PKHD1: variants seen among roughly 807,000 people sequenced by gnomAD.
PKHD1 encodes fibrocystin.
In PKHD1, 291 loss-of-function variants were observed where a neutral mutation model predicts 412.0. The observed-to-expected ratio is 0.71, with a 90% CI of 0.64 to 0.78. The LOEUF is 0.78. Ranked by LOEUF, PKHD1 falls within the 30% of genes least tolerant of loss-of-function variation. The probability of loss-of-function intolerance (pLI) is 0.00; values close to 1 mark genes in which losing one functional copy is unlikely to be tolerated. For synonymous variants in PKHD1, 1,777 were observed against 1,821.5 expected, an observed-to-expected ratio of 0.98 and a Z score of 0.62; for missense variants, 4,825 against 4,950.7, an observed-to-expected ratio of 0.97 and a Z score of 0.76.
At chr6:51,737,422 T>G (rs943230015) in intron 60 of PKHD1, among the ~76,000 whole-genome samples, 1 of 152,206 alleles carries the variant, frequency 6.6e-6, no homozygotes, top group Non-Finnish European at 1.5e-5. Flanking sequence ...AAAAAGAGGT[T>G]TAATATGTTG....
At chr6:51,980,068 G>A in intron 35 of PKHD1, among the ~76,000 whole-genome samples, 1 of 152,076 alleles carries the variant, frequency 6.6e-6, no homozygotes. Flanking sequence ...CAAGTCACTA[G>A]CACCTCTCCT....
rs2151160229 is a variant in PKHD1 at position 51,775,851 on chromosome 6, A to G, written c.8511T>C (p.Phe2837=). The G allele has an allele frequency of 1.3e-6, 2 of 1,598,630 alleles. No individual in the cohort carries two copies. Among genetic ancestry groups the G allele is most frequent in the South Asian group, 1.1e-5 (1 of 90,784 alleles). The change falls in exon 54 of 67, where the codon TTT becomes TTC. Residue 2837 remains phenylalanine, a synonymous_variant. Transcript: ENST00000371117. The stretch of plus-strand genomic sequence containing the variant: ...TATGAATTCCATTCATACGGTCACA[A>G]AAGACTCCCTCTGAGGCTCTAAGGA... ...LILLRASEGV[F]CDRMNGIHID... is the part of the protein sequence containing the mutation.
chr6:51,973,590 G>A (rs1562024728), intron 35 of PKHD1, among the ~76,000 whole-genome samples: 1 of 152,144 alleles, frequency 6.6e-6, no homozygotes, highest in Non-Finnish European at 1.5e-5. Flanking sequence ...AAGACTTCAA[G>A]TGCAATAGTT....
rs758252697 is a variant in PKHD1, at chr6:51,659,890, G to A, written c.10236C>T (p.Val3412=). The A allele has an allele frequency of 1.1e-5, 18 of 1,612,752 alleles. No homozygotes were observed. The East Asian group carries it at 1.3e-4, about 12-fold the overall frequency. ...TGGCATCAGCGCTATCAAGAATTAG[G>A]ACCACTTGGTCAGTCTGTTTGCAGA... ...GFICKQTDQV[V]LILDSADAIW... The change falls in exon 61 of 67, where the codon GTC becomes GTT. Residue 3412 remains valine (V), a synonymous_variant. Coordinates refer to ENST00000371117, the MANE Select transcript of PKHD1 (RefSeq NM_138694.4).
At chr6:52,003,887 A>G (rs1454321994) in intron 35 of PKHD1, among the ~76,000 whole-genome samples, 1 of 152,180 alleles carries the variant, frequency 6.6e-6, no homozygotes, top group Non-Finnish European at 1.5e-5. Flanking sequence ...AAAAAAACCT[A>G]TTGAGATGTT....
intron 49 of PKHD1, among the ~76,000 whole-genome samples, chr6:51,851,023 G>T (rs762088932): frequency 7.4e-4 from 113 of 152,118 alleles, no homozygotes; most frequent in Non-Finnish European, 1.5e-3. Context: ...TATGACATTT[G>T]TTGTGGGTTG....
chr6:51,951,618 A>G (rs189878960), intron 36 of PKHD1, among the ~76,000 whole-genome samples: 1 of 152,292 alleles, frequency 6.6e-6, no homozygotes, highest in African/African-American at 2.4e-5. Context: ...AGTATTTATT[A>G]ATTTTAAAAA....
chr6:52,003,578 T>C (rs1303298452), intron 35 of PKHD1, among the ~76,000 whole-genome samples: 1 of 152,194 alleles, frequency 6.6e-6, no homozygotes, highest in African/African-American at 2.4e-5. Flanking sequence ...TGGCCTCAAA[T>C]GTCACTAAGG....
At chr6:51,828,179 A>G (rs1360918408) in intron 52 of PKHD1, among the ~76,000 whole-genome samples, 5 of 152,106 alleles carry the variant, frequency 3.3e-5, no homozygotes, top group Admixed American at 6.6e-5. Flanking sequence ...GCAGGTATTG[A>G]TGGTAAGTTT....
At position 51,950,220 on chromosome 6, in the gene PKHD1, A is replaced by AAAAAAATATATATATATAT; in HGVS notation, c.5908+9649_5908+9650insATATATATATATATTTTTT. On this transcript the variant is annotated intron_variant, in intron 36 of 66. Coordinates refer to ENST00000371117, the MANE Select transcript of PKHD1 (RefSeq NM_138694.4). ...AATGGGCAATATAGAGAAAAAAAAAAATATATATATATATATATATGAAAT... is the reference window on the plus strand; with the variant it reads ...AATGGGCAATATAGAGAAAAAAAAAAAAAAAATATATATATATATATATATATATATATATATATGAAAT... 3.0e-3 allele frequency among the ~76,000 whole-genome samples: 296 copies of AAAAAAATATATATATATAT among 98,240 alleles called. 3 individuals carry two copies. The highest frequency in any genetic ancestry group is 0.021 in the East Asian group (39 of 1,840). 64.4% of individuals were successfully genotyped at this position (98,240 alleles called of 152,430 possible). A position where few individuals can be genotyped will look rare whatever the true frequency, so the allele number is the denominator to read the frequency against.
Position 52,062,536 on chromosome 6 carries a change from C to G in PKHD1, c.1101G>C (p.Gln367His), listed in dbSNP as rs201757748. ...NASSPFGFWS[Q>H]EGQPFRARLS... Reference sequence around the variant, plus strand: ...CAACATACCTGAAAGGTTGTCCTTCCTGTGACCAAAACCCAAATGGAGAAC... The same window carrying G: ...CAACATACCTGAAAGGTTGTCCTTCGTGTGACCAAAACCCAAATGGAGAAC... Residue 367 changes from glutamine (Q) to histidine (H), a missense_variant, in exon 14 of 67, where the codon CAG becomes CAC. By Grantham distance (24) the Gln-to-His change is conservative. Coordinates refer to ENST00000371117, the MANE Select transcript of PKHD1 (RefSeq NM_138694.4). 1 of 1,614,100 alleles carries G rather than the reference C, an allele frequency of 6.2e-7. No individual in the cohort carries two copies. Among genetic ancestry groups the G allele is most frequent in the Non-Finnish European group, 8.5e-7 (1 of 1,179,952 alleles).
chr6:51,673,200 A>G (rs1775278376), intron 60 of PKHD1, among the ~76,000 whole-genome samples: 2 of 152,220 alleles, frequency 1.3e-5, no homozygotes, highest in South Asian at 4.1e-4. Context: ...TACTTGATTA[A>G]TAACTGTCAG....
intron 33 of PKHD1, among the ~76,000 whole-genome samples, chr6:52,019,884 A>G (rs1801152218): frequency 6.6e-6 from 1 of 152,234 alleles, no homozygotes; most frequent in African/African-American, 2.4e-5. Flanking sequence ...GGGGATGGTA[A>G]AAATGGGTGA....
At chr6:51,792,947 G>T (rs1793993182) in intron 52 of PKHD1, among the ~76,000 whole-genome samples, 1 of 152,142 alleles carries the variant, frequency 6.6e-6, no homozygotes. Flanking sequence ...CTGTCACTGG[G>T]CTGGTCCTCA....
rs1239529397 is a variant in PKHD1, at chr6:51,659,844, A to G, written c.10282T>C (p.Tyr3428His). 23 of 1,613,776 alleles carry G rather than the reference A, an allele frequency of 1.4e-5. No individual in the cohort carries two copies. The highest frequency in any genetic ancestry group is 1.9e-5 in the Non-Finnish European group (23 of 1,179,866). ...CCACTAGTCACAGATACAACTGGAT[A>G]TAACTTCTGAATTGCCCAAATGGCA... is the stretch of plus-strand genomic sequence containing the variant. ...ADAIWAIQKLYPVVSVTSGFV... is the reference protein window; with the variant it reads ...ADAIWAIQKLHPVVSVTSGFV... The change falls in exon 61 of 67, where the codon TAT (tyrosine) becomes CAT (histidine). Residue 3428 changes from tyrosine to histidine, a missense_variant. Coordinates refer to ENST00000371117, the MANE Select transcript of PKHD1 (RefSeq NM_138694.4).
chr6:51,661,482 G>T (rs1178408941), intron 60 of PKHD1, among the ~76,000 whole-genome samples: 2 of 151,900 alleles, frequency 1.3e-5, no homozygotes, highest in African/African-American at 4.8e-5. Context: ...AAAGAGTTTG[G>T]ATGTCAAACT....
rs557405366 is a variant in PKHD1 at position 51,659,268 on chromosome 6, G to A, written c.10858C>T (p.Arg3620Cys). 2.3e-5 allele frequency: 37 copies of A among 1,613,624 alleles called. No individual in the cohort carries two copies. The highest frequency in any genetic ancestry group is 8.3e-5 in the Admixed American group (5 of 59,888). The change falls in exon 61 of 67, where the codon CGC becomes TGC. Residue 3620 changes from arginine to cysteine, a missense_variant. Coordinates refer to ENST00000371117, the MANE Select transcript of PKHD1 (RefSeq NM_138694.4). ...GTGCAAGTCACAGTAGGGCAATTGC[G>A]CTTTCTTTTTGCTCTACTGTCAGCA... ...AIADSRAKRK[R>C]NCPTVTCTSH...
At chr6:51,951,707 C>A (rs1790393409) in intron 36 of PKHD1, among the ~76,000 whole-genome samples, 1 of 152,042 alleles carries the variant, frequency 6.6e-6, no homozygotes, top group African/African-American at 2.4e-5. Context: ...GCTCAGTCCC[C>A]AACATATTTT....
chr6:52,006,791 C>T (rs146996448), intron 35 of PKHD1, among the ~76,000 whole-genome samples: 11 of 152,318 alleles, frequency 7.2e-5, no homozygotes, highest in African/African-American at 9.6e-5. Context: ...GCATCCATCA[C>T]CGGAGCAGTA....
Sources: gnomAD v4.1 joint callset for allele counts (sites outside exome capture counted in the v4.1 genomes callset) on GRCh38, gnomAD v4.1.1 for gene constraint, MANE v1.5 for transcripts, NCBI Gene and HGNC (gene_info 2026-07-23, HGNC 2026-07-21) for gene names.